KALRN: variants seen among roughly 807,000 people sequenced by gnomAD.
KALRN encodes kalirin.
In KALRN, 70 loss-of-function variants were observed where a neutral mutation model predicts 353.7. The observed-to-expected ratio is 0.20, with a 90% confidence interval of 0.16 to 0.24. KALRN has a LOEUF of 0.24. KALRN is among the 10% of genes least tolerant of loss of function. The pLI, the probability that KALRN is intolerant of heterozygous loss-of-function variation, is 1.00. For missense variants in KALRN, 2,791 were observed against 3,756.7 expected (o/e 0.74, Z 6.72); for synonymous variants, 1,391 against 1,434.8 (o/e 0.97, Z 0.69).
chr3:124,556,942 A>G (rs2071337554), intron 33 of KALRN, among the ~76,000 whole-genome samples: 1 of 152,226 alleles, frequency 6.6e-6, no homozygotes. Flanking sequence ...TCCTCTTAAA[A>G]AATTTTTTAC....
intron 33 of KALRN, among the ~76,000 whole-genome samples, chr3:124,545,162 C>A (rs1432985668): frequency 6.6e-6 from 1 of 152,236 alleles, no homozygotes. Flanking sequence ...TATTACCTAA[C>A]ATTTGATTTG....
intron 10 of KALRN, among the ~76,000 whole-genome samples, chr3:124,367,534 G>A (rs1375912114): frequency 4.8e-4 from 46 of 96,224 alleles, no homozygotes; most frequent in African/African-American, 1.7e-4. Context: ...CCTCCCTCCC[G>A]GACGGGGCGG....
At position 124,289,178 on chromosome 3, in the gene KALRN, T is replaced by TG. The variant is rs146899658; in HGVS notation, c.970-9605dup. Among the ~76,000 whole-genome samples the TG allele has an allele frequency of 1.1e-3, 170 of 151,836 alleles. 1 individual carries two copies. Among genetic ancestry groups the TG allele is most frequent in the East Asian group, 7.2e-3 (37 of 5,172 alleles). ...CCTTCTAAAGTCACTAATTCCATCA[T>TG]GGGGGGGGTCCCACTTTGATGACCT... On this transcript the variant is annotated intron_variant, in intron 5 of 59. Transcript: ENST00000682506.
chr3:124,434,406 G>T lies in KALRN; in HGVS notation c.2929G>T (p.Asp977Tyr). The T allele has an allele frequency of 6.2e-7, 1 of 1,614,176 alleles. No homozygotes were observed. Among genetic ancestry groups the T allele is most frequent in the Non-Finnish European group, 8.5e-7 (1 of 1,180,018 alleles). ...VLLQAGHYDA[D>Y]AIRECAEKVA... is the part of the protein sequence containing the mutation. ...GCTCCAGGCCGGCCACTACGATGCC[G>T]ATGCCATCCGGGAATGTGCTGAGAA... Residue 977 changes from aspartate (D) to tyrosine (Y), a missense_variant, in exon 17 of 60, where the codon GAT becomes TAT. By Grantham distance (160) the Asp-to-Tyr change is radical (BLOSUM62 -3). Transcript: ENST00000682506.
chr3:124,417,191 C>T (rs964260907), intron 14 of KALRN, among the ~76,000 whole-genome samples: 7 of 152,216 alleles, frequency 4.6e-5, no homozygotes, highest in African/African-American at 9.6e-5. Flanking sequence ...TTGAGAGAAA[C>T]ATGCTGGCTG....
chr3:124,632,509 A>G lies in KALRN; in HGVS notation c.5272A>G (p.Ser1758Gly). Residue 1758 changes from serine to glycine, a missense_variant, in exon 35 of 60, where the codon AGT becomes GGT. Ser to Gly is a moderately conservative substitution (Grantham distance 56). Coordinates refer to ENST00000682506, the MANE Select transcript of KALRN (RefSeq NM_001388419.1). ...CCAGCCCTCCCTGAACTCCATCCAC[A>G]GTTCCCCGGGTCCCAAGCGCTCCAC... The part of the protein sequence containing the change: ...QAQPSLNSIH[S>G]SPGPKRSTNT... 3 of 1,614,198 alleles carry G rather than the reference A, an allele frequency of 1.9e-6. No individual in the cohort carries two copies. The highest frequency in any genetic ancestry group is 2.5e-6 in the Non-Finnish European group (3 of 1,180,018).
At chr3:124,095,583 A>G (rs970200213) in intron 1 of KALRN, among the ~76,000 whole-genome samples, 26 of 152,172 alleles carry the variant, frequency 1.7e-4, no homozygotes, top group Non-Finnish European at 4.4e-5. Flanking sequence ...TACAGCCGGT[A>G]CAGAATTTGC....
chr3:124,071,602 T>C (rs1432067230), intron 1 of KALRN, among the ~76,000 whole-genome samples: 1 of 152,034 alleles, frequency 6.6e-6, no homozygotes, highest in African/African-American at 2.4e-5. Context: ...ATCAAGGAGG[T>C]GGCAGGTTTG....
rs1197488396 is a variant in KALRN, at chr3:124,490,721, G to A, written c.4424G>A (p.Gly1475Glu). ...EGFDENLDVQGELILQDAFQV... is the reference protein window; with the variant it reads ...EGFDENLDVQEELILQDAFQV... ...TTCGACGAGAACCTGGATGTGCAGG[G>A]GGAGTTGATTCTCCAGGATGCCTTT... The change falls in exon 30 of 60, where the codon GGG becomes GAG. Residue 1475 changes from glycine (G) to glutamate (E), a missense_variant. By Grantham distance (98) the Gly-to-Glu change is moderately conservative (BLOSUM62 -2). This residue lies in a region of KALRN where 239 missense variants were observed against 351.3 expected (regional missense o/e 0.68). Transcript: ENST00000682506. The A allele has an allele frequency of 1.2e-6, 2 of 1,613,400 alleles. No individual in the cohort carries two copies. The highest frequency in any genetic ancestry group is 1.1e-5 in the South Asian group (1 of 91,034).
At chr3:124,449,725 C>A (rs1297328871) in intron 21 of KALRN, among the ~76,000 whole-genome samples, 1 of 152,206 alleles carries the variant, frequency 6.6e-6, no homozygotes, top group Non-Finnish European at 1.5e-5. Context: ...CAACCCCTGG[C>A]AACTACTCAT....
At chr3:124,543,447 A>G (rs1027538723) in intron 33 of KALRN, among the ~76,000 whole-genome samples, 7 of 151,686 alleles carry the variant, frequency 4.6e-5, no homozygotes, top group Non-Finnish European at 4.4e-5. Flanking sequence ...GACTACAGGC[A>G]CCCATCACCA....
At chr3:124,387,761 C>T (rs2088622082) in intron 11 of KALRN, among the ~76,000 whole-genome samples, 2 of 152,118 alleles carry the variant, frequency 1.3e-5, no homozygotes, top group African/African-American at 4.8e-5. Context: ...TTATGAGGCT[C>T]ATTCTATTCA....
chr3:124,563,130 C>T (rs1226411060), intron 34 of KALRN, 41 bp downstream of exon 34: 2 of 1,351,884 alleles, frequency 1.5e-6, no homozygotes, highest in Non-Finnish European at 9.9e-7. Flanking sequence ...ACCAAGGAGG[C>T]CATGAGCGCT....
intron 18 of KALRN, among the ~76,000 whole-genome samples, chr3:124,441,210 A>G (rs1326446426): frequency 1.3e-5 from 2 of 152,220 alleles, no homozygotes; most frequent in Non-Finnish European, 2.9e-5. Context: ...AGTCTAAGTC[A>G]CACTGATTTT....
At position 124,628,778 on chromosome 3, in the gene KALRN, C is replaced by T. The variant is rs78030017; in HGVS notation, c.5183-3642C>T. ...TTTTTTTTTTTTTTTTTTGTAGAGA[C>T]GGAGTCTTGCCATGATGGCCAGGCT... On this transcript the variant is annotated intron_variant, in intron 34 of 59. Coordinates refer to ENST00000682506, the MANE Select transcript of KALRN (RefSeq NM_001388419.1). 5.8e-3 allele frequency among the ~76,000 whole-genome samples: 675 copies of T among 116,530 alleles called. 3 individuals are homozygous for T. Among genetic ancestry groups the T allele is most frequent in the Non-Finnish European group, 9.2e-3 (556 of 60,724 alleles). 76.4% of individuals were successfully genotyped at this position (116,530 alleles called of 152,430 possible). A position where few individuals can be genotyped will look rare whatever the true frequency, so the allele number is the denominator to read the frequency against.
intron 47 of KALRN, among the ~76,000 whole-genome samples, chr3:124,669,080 T>C (rs1320988657): frequency 6.6e-6 from 1 of 152,184 alleles, no homozygotes; most frequent in Non-Finnish European, 1.5e-5. Context: ...TCACATTTAA[T>C]CCTCACGCCA....
At chr3:124,038,968 C>A (rs2039685476) in intron 1 of KALRN, among the ~76,000 whole-genome samples, 1 of 152,246 alleles carries the variant, frequency 6.6e-6, no homozygotes, top group Non-Finnish European at 1.5e-5. Context: ...CCATATGCCC[C>A]CATGGACTCC....
At chr3:124,298,663 T>A in intron 5 of KALRN, 128 bp from the exon 6 acceptor site, 1 of 1,097,512 alleles carries the variant, frequency 9.1e-7, no homozygotes, top group Non-Finnish European at 1.3e-6. Flanking sequence ...ACCCCGAGAC[T>A]CAGAACAATA....
chr3:124,073,635 G>A (rs551776656), intron 1 of KALRN, among the ~76,000 whole-genome samples: 1 of 152,184 alleles, frequency 6.6e-6, no homozygotes, highest in African/African-American at 2.4e-5. Context: ...TAATATCAAT[G>A]GATTTCTTAT....
Sources: gnomAD v4.1 joint callset for allele counts (sites outside exome capture counted in the v4.1 genomes callset) on GRCh38, gnomAD v4.1.1 for gene constraint, gnomAD v4.1.1 regional missense constraint, MANE v1.5 for transcripts, NCBI Gene and HGNC (gene_info 2026-07-23, HGNC 2026-07-21) for gene names.